Variants in GLRX3 observed in about 807,000 individuals in gnomAD.
GLRX3 encodes the protein glutaredoxin-3.
A neutral mutation model predicts 49.5 loss-of-function variants in GLRX3; 22 were observed. The ratio of observed to expected loss-of-function variants is 0.44; its 90% CI spans 0.32 to 0.63. The LOEUF is 0.63. GLRX3 is among the 30% of genes least tolerant of loss of function. The probability of loss-of-function intolerance (pLI) is 0.05; values close to 1 mark genes in which losing one functional copy is unlikely to be tolerated. For synonymous variants in GLRX3, 133 were observed against 140.0 expected, an observed-to-expected ratio of 0.95 and a Z score of 0.35; for missense variants, 385 against 396.3, an observed-to-expected ratio of 0.97 and a Z score of 0.24.
At chr10:130,144,881 C>CA (rs1862242434) in intron 1 of GLRX3, among the ~76,000 whole-genome samples, 2 of 152,170 alleles carry the variant, frequency 1.3e-5, no homozygotes, top group African/African-American at 4.8e-5. Flanking sequence ...GAGGAATTGC[C>CA]ACACTGTCTT....
chr10:130,151,820 C>T (rs1862382549), intron 2 of GLRX3, among the ~76,000 whole-genome samples: 1 of 152,044 alleles, frequency 6.6e-6, no homozygotes, highest in African/African-American at 2.4e-5. Context: ...GCAACCCCTG[C>T]TTTTTTTGCT....
chr10:130,175,213 C>T (rs1287787589), intron 10 of GLRX3, 124 bp downstream of exon 10: 1 of 679,594 alleles, frequency 1.5e-6, no homozygotes. Context: ...GACTCTCAGA[C>T]ATTTCTAGAC....
chr10:130,136,455 C>G lies in GLRX3; in HGVS notation c.35C>G (p.Ala12Gly). 1 of 1,264,226 alleles carries G rather than the reference C, an allele frequency of 7.9e-7. No homozygotes were observed. Among genetic ancestry groups the G allele is most frequent in the Middle Eastern group, 3.1e-4 (1 of 3,266 alleles). The allele number at this position is 1,264,226 out of a possible 1,614,324, so 78.3% of individuals were successfully genotyped here. ...GGGGCGGCTGAGGCAGCTGTAGCGG[C>G]CGTGGAGGAGGTCGGCTCAGCCGGG... The part of the protein sequence containing the change: ...AAGAAEAAVA[A>G]VEEVGSAGQF... Residue 12 changes from alanine to glycine, a missense_variant, in exon 1 of 11, where the codon GCC becomes GGC. Ala to Gly is a moderately conservative substitution (Grantham distance 60, BLOSUM62 0). Around this residue, in one of 2 missense-constraint regions of GLRX3, gnomAD observed 374 missense variants for 358.6 expected, o/e 1.04. Coordinates refer to ENST00000331244, the MANE Select transcript of GLRX3 (RefSeq NM_006541.5).
At chr10:130,142,827 G>A (rs569128969) in intron 1 of GLRX3, among the ~76,000 whole-genome samples, 25 of 139,892 alleles carry the variant, frequency 1.8e-4, no homozygotes, top group Non-Finnish European at 3.2e-4. Flanking sequence ...TTCCAGTACC[G>A]CCTAGGACCC....
intron 2 of GLRX3, among the ~76,000 whole-genome samples, chr10:130,148,042 C>T (rs1862300689): frequency 6.6e-6 from 1 of 152,134 alleles, no homozygotes; most frequent in Non-Finnish European, 1.5e-5. Context: ...GAATGTAGTT[C>T]ATTTTAAAAC....
chr10:130,136,457 G>T lies in GLRX3; in HGVS notation c.37G>T (p.Val13Leu). The T allele has an allele frequency of 7.9e-7, 1 of 1,264,854 alleles. No individual in the cohort carries two copies. Among genetic ancestry groups the T allele is most frequent in the South Asian group, 3.5e-5 (1 of 28,488 alleles). The allele number at this position is 1,264,854 out of a possible 1,614,324, so 78.4% of individuals were successfully genotyped here. Residue 13 changes from valine (V) to leucine (L), a missense_variant, in exon 1 of 11, where the codon GTG (valine) becomes TTG (leucine). Around this residue, in one of 2 missense-constraint regions of GLRX3, gnomAD observed 374 missense variants for 358.6 expected, o/e 1.04. Coordinates refer to ENST00000331244, the MANE Select transcript of GLRX3 (RefSeq NM_006541.5). ...GGCGGCTGAGGCAGCTGTAGCGGCC[G>T]TGGAGGAGGTCGGCTCAGCCGGGCA... Reference protein sequence around the residue: ...AGAAEAAVAAVEEVGSAGQFE... With the variant: ...AGAAEAAVAALEEVGSAGQFE...
intron 1 of GLRX3, among the ~76,000 whole-genome samples, 158 bp downstream of exon 1, chr10:130,136,670 G>T (rs923895452): frequency 6.6e-6 from 1 of 152,152 alleles, no homozygotes; most frequent in East Asian, 1.9e-4. Context: ...AGACTCCCCC[G>T]AGCCTCCGCG....
At chr10:130,151,262 T>A (rs1862372024) in intron 2 of GLRX3, among the ~76,000 whole-genome samples, 2 of 152,166 alleles carry the variant, frequency 1.3e-5, no homozygotes, top group African/African-American at 4.8e-5. Context: ...GACTGTAGGT[T>A]TTTATCTGTG....
Position 130,166,946 on chromosome 10 carries a change from A to C in GLRX3, c.679A>C (p.Thr227Pro). 1 of 1,597,912 alleles carries C rather than the reference A, an allele frequency of 6.3e-7. No individual in the cohort carries two copies. Among genetic ancestry groups the C allele is most frequent in the East Asian group, 2.3e-5 (1 of 44,418 alleles). ...KELEASEELD[T>P]ICPKAPKLEE... ...GCTAGAAGCATCTGAAGAACTAGAT[A>C]CAATTTGTCCCAAAGCTCCCAAATT... The change falls in exon 6 of 11, where the codon ACA becomes CCA. Residue 227 changes from threonine (T) to proline (P), a missense_variant. Around this residue, in one of 2 missense-constraint regions of GLRX3, gnomAD observed 374 missense variants for 358.6 expected, o/e 1.04. Coordinates refer to ENST00000331244, the MANE Select transcript of GLRX3 (RefSeq NM_006541.5).
intron 8 of GLRX3, 62 bp downstream of exon 8, chr10:130,171,698 G>C: frequency 1.1e-6 from 1 of 897,760 alleles, no homozygotes; most frequent in Non-Finnish European, 1.9e-6. Flanking sequence ...AGGCGTAGTG[G>C]CTCACGTCTA....
At chr10:130,137,505 C>G (rs1417317980) in intron 1 of GLRX3, among the ~76,000 whole-genome samples, 1 of 152,196 alleles carries the variant, frequency 6.6e-6, no homozygotes, top group Non-Finnish European at 1.5e-5. Flanking sequence ...CGCAGCCACT[C>G]AGTAGCCATG....
intron 1 of GLRX3, 128 bp downstream of exon 1, chr10:130,136,640 C>T (rs915271059): frequency 8.8e-7 from 1 of 1,133,042 alleles, no homozygotes; most frequent in Non-Finnish European, 1.1e-6. Context: ...CCTCGGGGGA[C>T]CGGGCCCGGC....
At chr10:130,167,909 G>A (rs1261621856) in intron 6 of GLRX3, among the ~76,000 whole-genome samples, 1 of 151,812 alleles carries the variant, frequency 6.6e-6, no homozygotes, top group Non-Finnish European at 1.5e-5. Context: ...TTTGACTCTG[G>A]GCGTCTTCAT....
At chr10:130,156,476 T>G (rs1862472608) in intron 2 of GLRX3, among the ~76,000 whole-genome samples, 1 of 151,996 alleles carries the variant, frequency 6.6e-6, no homozygotes, top group Non-Finnish European at 1.5e-5. Flanking sequence ...ATGGAACCTC[T>G]TTAAGTTCCA....
intron 4 of GLRX3, 21 bp downstream of exon 4, chr10:130,161,018 T>A: frequency 6.4e-7 from 1 of 1,567,596 alleles, no homozygotes. Context: ...GCCTTTAACA[T>A]AATATAAACA....
chr10:130,148,798 C>T (rs1862316515), intron 2 of GLRX3, among the ~76,000 whole-genome samples: 1 of 152,044 alleles, frequency 6.6e-6, no homozygotes, highest in Admixed American at 6.6e-5. Flanking sequence ...CACAGTGGCT[C>T]ACACCTGTAA....
intron 2 of GLRX3, among the ~76,000 whole-genome samples, chr10:130,154,396 A>G (rs1321425210): frequency 1.3e-5 from 2 of 151,988 alleles, no homozygotes; most frequent in Non-Finnish European, 2.9e-5. Flanking sequence ...GGAAATGGAG[A>G]AGTCACTCAT....
intron 2 of GLRX3, among the ~76,000 whole-genome samples, chr10:130,148,806 T>A (rs751865600): frequency 1.3e-5 from 2 of 152,142 alleles, no homozygotes; most frequent in Non-Finnish European, 2.9e-5. Context: ...CTCACACCTG[T>A]AATCCCAGCA....
chr10:130,168,693 T>TTTGGGA (rs1408479328), intron 6 of GLRX3, among the ~76,000 whole-genome samples: 1 of 152,122 alleles, frequency 6.6e-6, no homozygotes, highest in African/African-American at 2.4e-5. Context: ...GTGATCCACC[T>TTTGGGA]GCCTCAGCCT....
Sources: allele counts gnomAD v4.1 joint callset (sites outside exome capture counted in the v4.1 genomes callset), GRCh38; gene constraint gnomAD v4.1.1; regional missense constraint gnomAD v4.1.1; transcripts MANE v1.5; gene names NCBI Gene and HGNC (gene_info 2026-07-23, HGNC 2026-07-21).